Variants in BMP5 observed in about 807,000 individuals in gnomAD.
BMP5 encodes bone morphogenetic protein 5.
BMP5 carries 23 observed loss-of-function variants against 46.6 expected under a neutral mutation model. The observed-to-expected ratio is 0.49, with a 90% confidence interval of 0.35 to 0.70. The LOEUF is 0.70. Ranked by LOEUF, BMP5 falls within the 30% of genes least tolerant of loss-of-function variation. The probability of loss-of-function intolerance (pLI) is 0.00; values close to 1 mark genes in which losing one functional copy is unlikely to be tolerated. For synonymous variants in BMP5, 204 were observed against 191.9 expected (o/e 1.06, Z -0.52); for missense variants, 545 against 565.6 (o/e 0.96, Z 0.37).
intron 1 of BMP5, among the ~76,000 whole-genome samples, chr6:55,857,887 G>A (rs543217554): frequency 1.7e-3 from 256 of 151,894 alleles, no homozygotes; most frequent in Non-Finnish European, 2.8e-3. Context: ...ACAGGCATGC[G>A]CCACCAGGCC....
chr6:55,776,181 C>T (rs145093690), intron 3 of BMP5, among the ~76,000 whole-genome samples: 9 of 152,068 alleles, frequency 5.9e-5, no homozygotes, highest in African/African-American at 2.2e-4. Context: ...TTTAGAAAAA[C>T]TCTATCACTG....
Position 55,755,555 on chromosome 6 carries a change from A to G in BMP5, c.1343T>C (p.Val448Ala), listed in dbSNP as rs200882186. ...VILKKYRNMV[V>A]RSCGCH ...ATATTAGTGGCAGCCACATGAGCGTACTACCATATTTCTATATTTTTTCAA... is the reference window on the plus strand; with the variant it reads ...ATATTAGTGGCAGCCACATGAGCGTGCTACCATATTTCTATATTTTTTCAA... The change falls in exon 7 of 7, where the codon GTA (valine) becomes GCA (alanine). Residue 448 changes from valine to alanine, a missense_variant. Transcript: ENST00000370830. 6.2e-7 allele frequency: 1 copy of G among 1,610,620 alleles called. No homozygotes were observed. The highest frequency in any genetic ancestry group is 1.3e-5 in the African/African-American group (1 of 74,750).
At chr6:55,856,104 C>T (rs1245128536) in intron 1 of BMP5, among the ~76,000 whole-genome samples, 1 of 152,110 alleles carries the variant, frequency 6.6e-6, no homozygotes, top group Non-Finnish European at 1.5e-5. Context: ...TACAATTTTG[C>T]TTATTCTAGA....
chr6:55,792,281 C>G (rs1409658464), intron 3 of BMP5, among the ~76,000 whole-genome samples: 2 of 152,114 alleles, frequency 1.3e-5, no homozygotes, highest in Non-Finnish European at 2.9e-5. Context: ...CGCCTGTAAT[C>G]CCAGCACTTT....
At chr6:55,791,652 T>C (rs1163317633) in intron 3 of BMP5, among the ~76,000 whole-genome samples, 1 of 151,554 alleles carries the variant, frequency 6.6e-6, no homozygotes, top group African/African-American at 2.4e-5. Context: ...GAAAACAACA[T>C]AGAAGTTAAA....
At chr6:55,811,885 T>A (rs1256326035) in intron 2 of BMP5, among the ~76,000 whole-genome samples, 3 of 152,202 alleles carry the variant, frequency 2.0e-5, no homozygotes, top group African/African-American at 7.2e-5. Context: ...AGTGCATATT[T>A]ACATCATCGT....
chr6:55,759,124 T>TACACACACACAC lies in BMP5; in HGVS notation c.1105-21_1105-10dup, dbSNP rs749127959. 230 of 437,238 alleles carry TACACACACACAC rather than the reference T, an allele frequency of 5.3e-4. 13 individuals are homozygous for TACACACACACAC. Among genetic ancestry groups the TACACACACACAC allele is most frequent in the Middle Eastern group, 9.5e-4 (2 of 2,108 alleles). 27.1% of individuals were successfully genotyped at this position (437,238 alleles called of 1,614,324 possible). On this transcript the variant is annotated splice_polypyrimidine_tract_variant and intron_variant, in intron 5 of 6. Coordinates refer to ENST00000370830, the MANE Select transcript of BMP5 (RefSeq NM_021073.4). ...GGTGCTATAATCCAGTCCTGACACA[T>TACACACACACAC]ACACACACACACACACACACAAAAA...
intron 2 of BMP5, among the ~76,000 whole-genome samples, chr6:55,802,981 A>C: frequency 6.6e-6 from 1 of 152,012 alleles, no homozygotes; most frequent in East Asian, 1.9e-4. Flanking sequence ...CTTTGCTATT[A>C]CATTTTTTAT....
chr6:55,817,794 C>T (rs1158108970), intron 2 of BMP5, among the ~76,000 whole-genome samples: 1 of 152,090 alleles, frequency 6.6e-6, no homozygotes, highest in East Asian at 1.9e-4. Context: ...TGCCTCAGAA[C>T]TGTCCACAAT....
intron 2 of BMP5, among the ~76,000 whole-genome samples, chr6:55,813,588 A>G (rs1025882780): frequency 9.2e-5 from 14 of 151,980 alleles, no homozygotes; most frequent in African/African-American, 2.9e-4. Context: ...AGGAGACTGA[A>G]ACCATCCTGG....
intron 1 of BMP5, among the ~76,000 whole-genome samples, chr6:55,861,897 T>C (rs1325940767): frequency 6.6e-6 from 1 of 152,244 alleles, no homozygotes; most frequent in East Asian, 1.9e-4. Context: ...GCTTGAGCTC[T>C]GAATCCAGTT....
intron 2 of BMP5, among the ~76,000 whole-genome samples, chr6:55,810,236 A>G (rs1776095974): frequency 6.6e-6 from 1 of 152,110 alleles, no homozygotes. Context: ...AATCTTACTA[A>G]CCATTAATTT....
At chr6:55,785,059 T>C (rs939235786) in intron 3 of BMP5, among the ~76,000 whole-genome samples, 27 of 151,866 alleles carry the variant, frequency 1.8e-4, no homozygotes, top group Non-Finnish European at 2.8e-4. Flanking sequence ...ATGTTATTTA[T>C]TTGATTTCAG....
chr6:55,832,884 G>C (rs1397654961), intron 1 of BMP5, among the ~76,000 whole-genome samples: 1 of 152,042 alleles, frequency 6.6e-6, no homozygotes, highest in Admixed American at 6.6e-5. Context: ...ACTAAGGCAG[G>C]AGGATCACTT....
At chr6:55,841,885 C>T (rs1776967178) in intron 1 of BMP5, among the ~76,000 whole-genome samples, 1 of 148,278 alleles carries the variant, frequency 6.7e-6, no homozygotes. Context: ...TTGGAGAGAA[C>T]AAAGTTCAGC....
chr6:55,809,944 A>C (rs1776086406), intron 2 of BMP5, among the ~76,000 whole-genome samples: 1 of 152,056 alleles, frequency 6.6e-6, no homozygotes. Context: ...TTTTTCCTTG[A>C]ATAGCTTATC....
chr6:55,840,611 T>C (rs1210306634), intron 1 of BMP5, among the ~76,000 whole-genome samples: 3 of 152,208 alleles, frequency 2.0e-5, no homozygotes, highest in Non-Finnish European at 2.9e-5. Context: ...CTTTCATTTA[T>C]TTAAAATACA....
At chr6:55,835,483 A>G (rs1312691875) in intron 1 of BMP5, among the ~76,000 whole-genome samples, 1 of 152,202 alleles carries the variant, frequency 6.6e-6, no homozygotes, top group African/African-American at 2.4e-5. Flanking sequence ...TCAAACTGCA[A>G]ATCTAGCTCT....
At position 55,812,966 on chromosome 6, in the gene BMP5, T is replaced by A. The variant is rs1205188231; in HGVS notation, c.683+6689A>T. On this transcript the variant is annotated intron_variant, in intron 2 of 6. Transcript: ENST00000370830. ...TGTGGTAACTATTTTCCAAAAAATATTTACTCTTCTCAGAGAATTCTCAGA... is the reference window on the plus strand; with the variant it reads ...TGTGGTAACTATTTTCCAAAAAATAATTACTCTTCTCAGAGAATTCTCAGA... 5.3e-5 allele frequency among the ~76,000 whole-genome samples: 8 copies of A among 152,282 alleles called. No individual in the cohort carries two copies. In the East Asian group the frequency reaches 1.3e-3, roughly 26 times the overall value.
Sources: gnomAD v4.1 joint callset for allele counts (sites outside exome capture counted in the v4.1 genomes callset) on GRCh38, gnomAD v4.1.1 for gene constraint, MANE v1.5 for transcripts, NCBI Gene and HGNC (gene_info 2026-07-23, HGNC 2026-07-21) for gene names.